Variants in ARHGAP28 observed in about 807,000 individuals in gnomAD.
The protein encoded by ARHGAP28 is Rho GTPase activating protein 28, also known as rho GTPase-activating protein 28.
Under a neutral mutation model 90.7 loss-of-function variants are expected in ARHGAP28, and 56 were observed. The ratio of observed to expected loss-of-function variants is 0.62; its 90% CI spans 0.50 to 0.77. The LOEUF is 0.77. Among genes scored for constraint, ARHGAP28 ranks in the 30% least tolerant of loss-of-function variants. The pLI is 0.00. For missense variants in ARHGAP28, 869 were observed against 900.9 expected, an observed-to-expected ratio of 0.96 and a Z score of 0.45; for synonymous variants, 308 against 323.3, an observed-to-expected ratio of 0.95 and a Z score of 0.51.
intron 9 of ARHGAP28, among the ~76,000 whole-genome samples, 180 bp downstream of exon 9, chr18:6,873,955 G>A (rs1241986): frequency 0.81 from 122,534 of 152,192 alleles, 49,558 homozygotes; most frequent in Non-Finnish European, 0.84. Context: ...TGGCGCCTGG[G>A]CCAGTTGGCC....
intron 5 of ARHGAP28, among the ~76,000 whole-genome samples, chr18:6,866,799 G>A (rs2057041311): frequency 6.6e-6 from 1 of 152,126 alleles, no homozygotes. Context: ...TTAAGATAAT[G>A]ACACTCAGTA....
At chr18:6,827,145 C>T (rs2056671624) in intron 2 of ARHGAP28, among the ~76,000 whole-genome samples, 1 of 152,214 alleles carries the variant, frequency 6.6e-6, no homozygotes, top group Non-Finnish European at 1.5e-5. Flanking sequence ...CCTTTCCCCG[C>T]TTTCTATTCC....
chr18:6,729,876 C>A lies in ARHGAP28; in HGVS notation c.55C>A (p.Arg19Ser). Residue 19 changes from arginine to serine, a missense_variant, in exon 1 of 18, where the codon CGC (arginine) becomes AGC (serine). By Grantham distance (110) the Arg-to-Ser change is moderately radical. Transcript: ENST00000383472. ...GCTGACCGCCTACCACTCGTACGCG[C>A]GCGCCCAGCCCCCCAACGCCGAGTC... ...VVLTAYHSYA[R>S]AQPPNAESRC... 2.1e-6 allele frequency: 3 copies of A among 1,434,484 alleles called. No homozygotes were observed. The highest frequency in any genetic ancestry group is 1.8e-6 in the Non-Finnish European group (2 of 1,096,824). The allele number at this position is 1,434,484 out of a possible 1,614,324, so 88.9% of individuals were successfully genotyped here. A position where few individuals can be genotyped will look rare whatever the true frequency, so the allele number is the denominator to read the frequency against.
intron 3 of ARHGAP28, 168 bp from the exon 4 acceptor site, chr18:6,850,866 T>C: frequency 6.5e-7 from 1 of 1,536,598 alleles, no homozygotes; most frequent in Non-Finnish European, 8.7e-7. Flanking sequence ...AATGTAATTA[T>C]GAATGAATTG....
intron 1 of ARHGAP28, among the ~76,000 whole-genome samples, chr18:6,798,215 C>T (rs879355299): frequency 5.3e-5 from 8 of 152,094 alleles, no homozygotes; most frequent in African/African-American, 1.4e-4. Context: ...TGTTTTGAGA[C>T]GGAGTTTCTC....
At chr18:6,790,773 G>A (rs1456912998) in intron 1 of ARHGAP28, 1 of 152,076 alleles carries the variant, frequency 6.6e-6, no homozygotes, top group Non-Finnish European at 1.5e-5. Flanking sequence ...CTCAGGGTTG[G>A]GTACAAGAGA....
chr18:6,751,269 G>A (rs556822078), intron 1 of ARHGAP28, among the ~76,000 whole-genome samples: 5 of 151,630 alleles, frequency 3.3e-5, no homozygotes, highest in East Asian at 3.9e-4. Context: ...GTTAATCTAC[G>A]TCAGGTTCCA....
intron 1 of ARHGAP28, among the ~76,000 whole-genome samples, chr18:6,768,556 G>A (rs1471337090): frequency 6.6e-6 from 1 of 152,082 alleles, no homozygotes; most frequent in Non-Finnish European, 1.5e-5. Flanking sequence ...GGAGCTCTGG[G>A]AATTGATTAA....
chr18:6,842,890 TA>T (rs1182161663), intron 3 of ARHGAP28, among the ~76,000 whole-genome samples: 1 of 152,102 alleles, frequency 6.6e-6, no homozygotes, highest in Non-Finnish European at 1.5e-5. Context: ...AATTAGAAAT[TA>T]AAAAATAACA....
intron 11 of ARHGAP28, among the ~76,000 whole-genome samples, chr18:6,886,162 A>G (rs1203216688): frequency 1.3e-5 from 2 of 152,176 alleles, no homozygotes; most frequent in African/African-American, 4.8e-5. Flanking sequence ...TTCCACTGCT[A>G]TACAGCTCAG....
At position 6,837,314 on chromosome 18, in the gene ARHGAP28, C is replaced by T. The variant is rs1279785774; in HGVS notation, c.443C>T (p.Ala148Val). The T allele has an allele frequency of 1.5e-5, 24 of 1,613,332 alleles. No homozygotes were observed. The highest frequency in any genetic ancestry group is 1.9e-5 in the Non-Finnish European group (23 of 1,179,888). ...LSTLTRTQAA[A>V]VQKRYHTYTQ... ...ACATTGACTCGAACCCAAGCAGCTG[C>T]CGTGCAAAAGAGATACCATACCTAT... Residue 148 changes from alanine to valine, a missense_variant, in exon 3 of 18, where the codon GCC (alanine) becomes GTC (valine). Coordinates refer to ENST00000383472, the MANE Select transcript of ARHGAP28 (RefSeq NM_001366230.1).
chr18:6,859,193 A>G (rs1262635114), intron 4 of ARHGAP28, among the ~76,000 whole-genome samples: 1 of 152,204 alleles, frequency 6.6e-6, no homozygotes, highest in African/African-American at 2.4e-5. Flanking sequence ...AGTCCAGTTA[A>G]GTTTGTGTTT....
intron 3 of ARHGAP28, among the ~76,000 whole-genome samples, chr18:6,839,001 A>G (rs1301208490): frequency 6.6e-6 from 1 of 152,192 alleles, no homozygotes; most frequent in Admixed American, 6.5e-5. Context: ...TTATTCAGAC[A>G]TCACCCAGCA....
chr18:6,882,057 A>G (rs556999002), intron 10 of ARHGAP28, 80 bp from the exon 11 acceptor site: 7 of 1,384,504 alleles, frequency 5.1e-6, no homozygotes, highest in African/African-American at 2.9e-5. Context: ...AACAGTTTAT[A>G]TAAGAACAGT....
chr18:6,850,208 G>A (rs187719435), intron 3 of ARHGAP28, among the ~76,000 whole-genome samples: 79 of 151,994 alleles, frequency 5.2e-4, no homozygotes, highest in Middle Eastern at 6.8e-3. Context: ...TGTTACAACC[G>A]CCTCTCAGAT....
intron 16 of ARHGAP28, among the ~76,000 whole-genome samples, chr18:6,901,308 C>T (rs1331347928): frequency 6.6e-6 from 1 of 152,072 alleles, no homozygotes; most frequent in African/African-American, 2.4e-5. Flanking sequence ...ATACATTGCT[C>T]AGTGTATGTA....
chr18:6,806,455 G>T (rs1439306121), intron 1 of ARHGAP28, among the ~76,000 whole-genome samples: 1 of 151,578 alleles, frequency 6.6e-6, no homozygotes, highest in African/African-American at 2.4e-5. Context: ...AAATAAAACA[G>T]AAAAAAAGAT....
chr18:6,856,694 G>A (rs574277005), intron 4 of ARHGAP28, among the ~76,000 whole-genome samples: 1 of 152,108 alleles, frequency 6.6e-6, no homozygotes, highest in African/African-American at 2.4e-5. Context: ...TTTAACAAAC[G>A]TTATCACCCA....
At chr18:6,848,091 G>A (rs1263929800) in intron 3 of ARHGAP28, among the ~76,000 whole-genome samples, 2 of 152,224 alleles carry the variant, frequency 1.3e-5, no homozygotes, top group Middle Eastern at 6.8e-3. Context: ...AAGGAACGCA[G>A]GTGTTCAGTA....
Sources: allele counts gnomAD v4.1 joint callset (sites outside exome capture counted in the v4.1 genomes callset), GRCh38; gene constraint gnomAD v4.1.1; transcripts MANE v1.5; gene names NCBI Gene and HGNC (gene_info 2026-07-23, HGNC 2026-07-21).